The following LRRC9 variants were observed in gnomAD, a reference collection of about 807,000 sequenced individuals.
The protein encoded by LRRC9 is leucine rich repeat containing 9, also known as leucine-rich repeat-containing protein 9.
LRRC9 carries 122 observed loss-of-function variants against 63.2 expected under a neutral mutation model. That is an observed-to-expected ratio of 1.93 (90% confidence interval 1.67 to 2.24). The LOEUF is 2.24. Among genes scored for constraint, LRRC9 ranks in the 30% most tolerant of loss-of-function variants. The pLI is 0.00. For missense variants in LRRC9, 1,071 were observed against 627.7 expected (o/e 1.71, Z -7.55); for synonymous variants, 366 against 213.1 (o/e 1.72, Z -6.25).
intron 29 of LRRC9, among the ~76,000 whole-genome samples, 166 bp from the exon 30 acceptor site, chr14:60,052,899 T>C (rs532221692): frequency 1.3e-5 from 2 of 152,312 alleles, no homozygotes; most frequent in African/African-American, 4.8e-5. Flanking sequence ...TAATAGGAAA[T>C]TGAGTAATTT....
At position 60,003,708 on chromosome 14, in the gene LRRC9, A is replaced by G. The variant is rs1217696610; in HGVS notation, c.2752A>G (p.Asn918Asp). 1 of 697,198 alleles carries G rather than the reference A, an allele frequency of 1.4e-6. No homozygotes were observed. Among genetic ancestry groups the G allele is most frequent in the East Asian group, 2.7e-5 (1 of 37,014 alleles). 43.2% of individuals were successfully genotyped at this position (697,198 alleles called of 1,614,324 possible). A position where few individuals can be genotyped will look rare whatever the true frequency, so the allele number is the denominator to read the frequency against. Reference sequence around the variant, plus strand: ...AAATTTGAAATGGGCATCATTCAGCAATAATAATCTCACTAAAATGGAGGG... The same window carrying G: ...AAATTTGAAATGGGCATCATTCAGCGATAATAATCTCACTAAAATGGAGGG... The change falls in exon 21 of 32, where the codon AAT (asparagine) becomes GAT (aspartate). Residue 918 changes from asparagine (N) to aspartate (D), a missense_variant. Physicochemically the swap from Asn to Asp is conservative, Grantham distance 23. Coordinates refer to ENST00000445360, the Ensembl canonical transcript of LRRC9. The surrounding 1 kb of genome is among the most constrained non-coding windows in gnomAD (Gnocchi z 4.2).
At chr14:59,968,233 G>A (rs1227972265) in intron 12 of LRRC9, among the ~76,000 whole-genome samples, 2 of 152,178 alleles carry the variant, frequency 1.3e-5, no homozygotes, top group Non-Finnish European at 2.9e-5. Flanking sequence ...GGAAAATTCA[G>A]AGACAGAAAG....
intron 24 of LRRC9, 101 bp downstream of exon 24, chr14:60,016,891 T>A (rs776008390): frequency 1.5e-4 from 80 of 526,352 alleles, no homozygotes; most frequent in Non-Finnish European, 2.6e-4. Context: ...CTAAATATAA[T>A]CAATAATTCA....
intron 29 of LRRC9, among the ~76,000 whole-genome samples, chr14:60,039,974 C>A (rs1240558388): frequency 6.6e-6 from 1 of 151,904 alleles, no homozygotes; most frequent in Non-Finnish European, 1.5e-5. Flanking sequence ...CCTTTGTTCT[C>A]ATTGGTTTCA....
chr14:59,995,353 C>T (rs1358829182), intron 17 of LRRC9, among the ~76,000 whole-genome samples: 1 of 152,252 alleles, frequency 6.6e-6, no homozygotes, highest in East Asian at 1.9e-4. Flanking sequence ...TTTGCAACCT[C>T]GATCTAGATA....
rs562375934 is a variant in LRRC9 at position 59,962,654 on chromosome 14, C to T, written c.1211+1609C>T. Among the ~76,000 whole-genome samples the T allele has an allele frequency of 6.6e-6, 1 of 152,104 alleles. No homozygotes were observed. Among genetic ancestry groups the T allele is most frequent in the African/African-American group, 2.4e-5 (1 of 41,398 alleles). ...CTGGCCTCAAGTGATCTTCCCACCTCGGCCTCCCAAAGTGCTGAGATCACA... is the reference window on the plus strand; with the variant it reads ...CTGGCCTCAAGTGATCTTCCCACCTTGGCCTCCCAAAGTGCTGAGATCACA... On this transcript the variant is annotated intron_variant, in intron 10 of 31. Coordinates refer to ENST00000445360, the Ensembl canonical transcript of LRRC9. The surrounding 1 kb of genome is among the most constrained non-coding windows in gnomAD (Gnocchi z 5.1).
rs756682137 is a variant in LRRC9 at position 60,060,775 on chromosome 14, T to C, written c.4277-2548T>C. Among the ~76,000 whole-genome samples the C allele has an allele frequency of 6.6e-6, 1 of 152,020 alleles. No homozygotes were observed. Among genetic ancestry groups the C allele is most frequent in the Non-Finnish European group, 1.5e-5 (1 of 67,978 alleles). ...AATAAAATAAAATTAGTGATTCCTC[T>C]GAGGGATATGGGCAAAGTAAATTGA... On this transcript the variant is annotated intron_variant, in intron 31 of 31. Coordinates refer to ENST00000445360, the Ensembl canonical transcript of LRRC9. This position sits in a 1 kb window ranked among gnomAD's most constrained non-coding sequence, Gnocchi z 4.0.
chr14:59,931,471 T>C, intron 4 of LRRC9, 148 bp from the exon 5 acceptor site: 1 of 488,874 alleles, frequency 2.0e-6, no homozygotes, highest in Non-Finnish European at 3.6e-6. Flanking sequence ...AGGTGGCTTC[T>C]TGGAGGCACT....
Position 60,003,908 on chromosome 14 carries a change from C to G in LRRC9, c.2842+110C>G. Reference sequence around the variant, plus strand: ...GAAGAGGAAGATCTCTAGGAAAGTTCCAAGTTTTTGTGGCAGGGTATTCTA... The same window carrying G: ...GAAGAGGAAGATCTCTAGGAAAGTTGCAAGTTTTTGTGGCAGGGTATTCTA... On this transcript the variant is annotated intron_variant, in intron 21 of 31. Coordinates refer to ENST00000445360, the Ensembl canonical transcript of LRRC9. This position sits in a 1 kb window ranked among gnomAD's most constrained non-coding sequence, Gnocchi z 4.2. 1 of 510,498 alleles carries G rather than the reference C, an allele frequency of 2.0e-6. No individual in the cohort carries two copies. The highest frequency in any genetic ancestry group is 4.0e-4 in the Middle Eastern group (1 of 2,476). 31.6% of individuals were successfully genotyped at this position (510,498 alleles called of 1,614,324 possible). A position where few individuals can be genotyped will look rare whatever the true frequency, so the allele number is the denominator to read the frequency against.
rs972022535 is a variant in LRRC9, at chr14:60,003,623, A to C, written c.2667A>C (p.Ile889=). The C allele has an allele frequency of 1.5e-6, 1 of 672,156 alleles. No individual in the cohort carries two copies. The highest frequency in any genetic ancestry group is 1.8e-5 in the African/African-American group (1 of 55,372). 41.6% of individuals were successfully genotyped at this position (672,156 alleles called of 1,614,324 possible). ...ATACAATGTAAATTATTCTACAGAT[A>C]ACTGCCTTAAATTTAGATGGACAAC... The change falls in exon 21 of 32, where the codon ATA becomes ATC. Residue 889 remains isoleucine, a splice_region_variant and synonymous_variant. Transcript: ENST00000445360. The surrounding 1 kb of genome is among the most constrained non-coding windows in gnomAD (Gnocchi z 4.2).
At chr14:60,001,326 G>A (rs1889342264) in intron 19 of LRRC9, among the ~76,000 whole-genome samples, 1 of 151,942 alleles carries the variant, frequency 6.6e-6, no homozygotes, top group African/African-American at 2.4e-5. Flanking sequence ...GTTTATAATA[G>A]CAAAAACTGA....
exon 16 of LRRC9, chr14:59,982,036 G>T: frequency 1.4e-6 from 1 of 701,944 alleles, no homozygotes; most frequent in South Asian, 1.5e-5. Context: ...CCCTTGCAAA[G>T]ACTAGCGTTT....
chr14:60,062,718 G>A (rs1214287077), intron 31 of LRRC9, among the ~76,000 whole-genome samples: 2 of 152,090 alleles, frequency 1.3e-5, no homozygotes, highest in Non-Finnish European at 2.9e-5. Flanking sequence ...ACACTCTTCT[G>A]CTCAACACTT....
At chr14:60,038,085 G>A (rs1423567421) in intron 29 of LRRC9, among the ~76,000 whole-genome samples, 1 of 152,112 alleles carries the variant, frequency 6.6e-6, no homozygotes, top group Non-Finnish European at 1.5e-5. Flanking sequence ...TAGATGTGTG[G>A]TATTGTTTCC....
intron 24 of LRRC9, 67 bp from the exon 25 acceptor site, chr14:60,018,304 A>G: frequency 1.4e-6 from 1 of 691,686 alleles, no homozygotes; most frequent in African/African-American, 1.8e-5. Flanking sequence ...ATGTGAAGGA[A>G]CTCACCTTTT....
chr14:60,017,811 T>C lies in LRRC9; in HGVS notation c.3318-560T>C, dbSNP rs1890810913. ...CTCAAATGAAGATATAGCTATAGAC[T>C]GGGAATCAAGCATTCTGTTTAATTA... On this transcript the variant is annotated intron_variant, in intron 24 of 31. Transcript: ENST00000445360. This position sits in a 1 kb window ranked among gnomAD's most constrained non-coding sequence, Gnocchi z 4.0. 6.6e-6 allele frequency among the ~76,000 whole-genome samples: 1 copy of C among 152,112 alleles called. No homozygotes were observed.
rs564998831 is a variant in LRRC9 at position 59,961,288 on chromosome 14, C to T, written c.1211+243C>T. 3.9e-5 allele frequency among the ~76,000 whole-genome samples: 6 copies of T among 152,244 alleles called. No individual in the cohort carries two copies. The South Asian group carries it at 1.2e-3, about 32-fold the overall frequency. On this transcript the variant is annotated intron_variant, in intron 10 of 31. Coordinates refer to ENST00000445360, the Ensembl canonical transcript of LRRC9. ...CCTTGAAGACATCCTAATGGTTTAT[C>T]ATTGCTCTTTACCCAATTTTTCTTA...
exon 15 of LRRC9, chr14:59,978,060 G>A (rs1886503383): frequency 2.8e-6 from 2 of 702,152 alleles, no homozygotes; most frequent in Admixed American, 2.0e-5. Context: ...GTGTTCGGCA[G>A]TGCAAGTGGT....
chr14:60,026,404 T>C (rs1891557331), intron 27 of LRRC9, among the ~76,000 whole-genome samples: 1 of 152,114 alleles, frequency 6.6e-6, no homozygotes, highest in African/African-American at 2.4e-5. Flanking sequence ...GTATTTCTTC[T>C]TTTGAGAAAT....
Sources: gnomAD v4.1 joint callset for allele counts (sites outside exome capture counted in the v4.1 genomes callset) on GRCh38, gnomAD v4.1.1 for gene constraint, Gnocchi (gnomAD v3.1) non-coding constraint, MANE v1.5 for transcripts, NCBI Gene and HGNC (gene_info 2026-07-23, HGNC 2026-07-21) for gene names.